RNF38: variants seen among roughly 807,000 people sequenced by gnomAD.
RNF38 encodes the protein ring finger protein 38, also known as E3 ubiquitin-protein ligase RNF38.
In RNF38, 15 loss-of-function variants were observed where a neutral mutation model predicts 67.2. The observed-to-expected ratio is 0.22, with a 90% CI of 0.15 to 0.34. RNF38 has a LOEUF of 0.34. RNF38 is among the 10% of genes least tolerant of loss of function. The probability of loss-of-function intolerance (pLI) is 1.00; values close to 1 mark genes in which losing one functional copy is unlikely to be tolerated. For missense variants in RNF38, 524 were observed against 639.9 expected, an observed-to-expected ratio of 0.82 and a Z score of 1.95; for synonymous variants, 220 against 218.8, an observed-to-expected ratio of 1.01 and a Z score of -0.05.
chr9:36,397,024 TGTATATAC>T (rs1396347387), intron 1 of RNF38, among the ~76,000 whole-genome samples: 1 of 147,272 alleles, frequency 6.8e-6, no homozygotes, highest in African/African-American at 2.5e-5. Flanking sequence ...TGTGTGTGTG[TGTATATAC>T]GTATATACGT....
intron 1 of RNF38, among the ~76,000 whole-genome samples, chr9:36,457,901 CA>C (rs1162313283): frequency 6.6e-6 from 1 of 151,996 alleles, no homozygotes; most frequent in African/African-American, 2.4e-5. Context: ...TAAAACTGTA[CA>C]CAAAATTCAG....
At chr9:36,456,175 C>T (rs1839591724) in intron 1 of RNF38, among the ~76,000 whole-genome samples, 1 of 152,142 alleles carries the variant, frequency 6.6e-6, no homozygotes, top group Non-Finnish European at 1.5e-5. Flanking sequence ...TCTCCTTCCT[C>T]AGCCTTCCTA....
At chr9:36,409,323 G>GAAAAAGAAAGAAAGAAAGAAAGAA in intron 2 of RNF38, among the ~76,000 whole-genome samples, 1 of 139,522 alleles carries the variant, frequency 7.2e-6, no homozygotes, top group African/African-American at 2.5e-5. Flanking sequence ...AAGAAAGAAA[G>GAAAAAGAAAGAAAGAAAGAAAGAA]AAAAAGAAAG....
At chr9:36,341,676 A>T (rs1832841563) in intron 11 of RNF38, among the ~76,000 whole-genome samples, 1 of 151,932 alleles carries the variant, frequency 6.6e-6, no homozygotes, top group African/African-American at 2.4e-5. Flanking sequence ...GTTCCAGACC[A>T]GTCTGGGCAA....
intron 2 of RNF38, among the ~76,000 whole-genome samples, chr9:36,384,351 G>T (rs1348826162): frequency 1.3e-5 from 2 of 152,206 alleles, no homozygotes; most frequent in Admixed American, 1.3e-4. Context: ...GAAGCTCAGA[G>T]GGTAGGAATA....
At chr9:36,418,178 A>G (rs1295404025) in intron 2 of RNF38, among the ~76,000 whole-genome samples, 2 of 151,494 alleles carry the variant, frequency 1.3e-5, no homozygotes, top group African/African-American at 4.8e-5. Context: ...ACAGGTGTGT[A>G]CCACTAGGCC....
chr9:36,343,613 T>G (rs1360136762), intron 10 of RNF38, among the ~76,000 whole-genome samples: 1 of 152,104 alleles, frequency 6.6e-6, no homozygotes, highest in Non-Finnish European at 1.5e-5. Context: ...TATAGAGTGA[T>G]TCAAAGCCAT....
intron 4 of RNF38, among the ~76,000 whole-genome samples, chr9:36,358,735 C>T (rs1396823753): frequency 6.6e-6 from 1 of 152,152 alleles, no homozygotes; most frequent in Non-Finnish European, 1.5e-5. Flanking sequence ...TTTGGCCAGG[C>T]ACGGTGGCTC....
At chr9:36,438,383 T>C (rs766290396) in intron 1 of RNF38, among the ~76,000 whole-genome samples, 4 of 152,120 alleles carry the variant, frequency 2.6e-5, no homozygotes, top group African/African-American at 4.8e-5. Flanking sequence ...CACAAATTCA[T>C]AAACTTTCTT....
intron 8 of RNF38, among the ~76,000 whole-genome samples, chr9:36,351,836 T>C (rs755691879): frequency 2.9e-4 from 44 of 152,142 alleles, no homozygotes; most frequent in African/African-American, 4.6e-4. Context: ...GAGGAGCAGG[T>C]AGGCAGAGGA....
At chr9:36,385,750 C>T (rs191102147) in intron 2 of RNF38, among the ~76,000 whole-genome samples, 21 of 152,222 alleles carry the variant, frequency 1.4e-4, no homozygotes, top group African/African-American at 4.3e-4. Context: ...TGAGGTGCAC[C>T]GAAAACTACA....
chr9:36,412,090 T>G (rs1838341385), intron 2 of RNF38, among the ~76,000 whole-genome samples: 1 of 152,172 alleles, frequency 6.6e-6, no homozygotes, highest in Admixed American at 6.5e-5. Flanking sequence ...CTCCTTTGCA[T>G]AAAACCCTCC....
intron 2 of RNF38, among the ~76,000 whole-genome samples, chr9:36,417,119 G>A (rs1308777803): frequency 6.6e-6 from 1 of 152,084 alleles, no homozygotes; most frequent in Non-Finnish European, 1.5e-5. Flanking sequence ...TCCAGGTAAG[G>A]TTAAATCCTT....
At chr9:36,402,803 A>C (rs1838085858), upstream of RNF38, among the ~76,000 whole-genome samples, 1 of 152,186 alleles carries the variant, frequency 6.6e-6, no homozygotes, top group Admixed American at 6.5e-5. Context: ...TACGATCTTC[A>C]ACAATGCTGT....
At chr9:36,392,313 C>A (rs1231418374) in intron 1 of RNF38, among the ~76,000 whole-genome samples, 1 of 152,282 alleles carries the variant, frequency 6.6e-6, no homozygotes, top group East Asian at 1.9e-4. Flanking sequence ...CATTAGTTTT[C>A]TGTACAGAAT....
At chr9:36,406,559 T>C (rs899592559) in intron 2 of RNF38, among the ~76,000 whole-genome samples, 9 of 152,230 alleles carry the variant, frequency 5.9e-5, no homozygotes, top group Middle Eastern at 3.2e-3. Flanking sequence ...GCCCAATAAA[T>C]AGTAAACTTC....
intron 4 of RNF38, among the ~76,000 whole-genome samples, chr9:36,367,313 G>T (rs2133744520): frequency 6.6e-6 from 1 of 152,164 alleles, no homozygotes; most frequent in East Asian, 1.9e-4. Flanking sequence ...CAAGCAAAAG[G>T]AATGCTATCA....
In RNF38 at chr9:36,454,864, G is replaced by A. The variant is rs187342279; in HGVS notation, n.242-30181C>T. On this transcript the variant is annotated intron_variant and non_coding_transcript_variant, in intron 1 of 3. Transcript: ENST00000488058. ...CTCTCAAAGTGCTGGGGTTAAAGGCGTGAGCCACTGCACCCGACCTAATTT... is the reference window on the plus strand; with the variant it reads ...CTCTCAAAGTGCTGGGGTTAAAGGCATGAGCCACTGCACCCGACCTAATTT... Among the ~76,000 whole-genome samples, 261 of 151,788 alleles carry A rather than the reference G, an allele frequency of 1.7e-3. 1 individual carries two copies. Among genetic ancestry groups the A allele is most frequent in the Non-Finnish European group, 3.2e-3 (220 of 67,904 alleles).
chr9:36,392,177 T>C (rs1453802889), intron 1 of RNF38, among the ~76,000 whole-genome samples: 1 of 152,238 alleles, frequency 6.6e-6, no homozygotes, highest in African/African-American at 2.4e-5. Flanking sequence ...TTTTATAGTA[T>C]TTTGTTTCTG....
Sources: gnomAD v4.1 joint callset for allele counts (sites outside exome capture counted in the v4.1 genomes callset) on GRCh38, gnomAD v4.1.1 for gene constraint, MANE v1.5 for transcripts, NCBI Gene and HGNC (gene_info 2026-07-23, HGNC 2026-07-21) for gene names.